Variants in ERC1 observed in about 807,000 individuals in gnomAD.
ERC1 encodes the protein ELKS/RAB6-interacting/CAST family member 1.
Under a neutral mutation model 132.0 loss-of-function variants are expected in ERC1, and 56 were observed. The ratio of observed to expected loss-of-function variants is 0.42; its 90% CI spans 0.34 to 0.53. The LOEUF is 0.53. ERC1 is among the 20% of genes least tolerant of loss of function. ERC1 has a pLI of 0.03. For missense variants in ERC1, 1,202 were observed against 1,349.9 expected (o/e 0.89, Z 1.72); for synonymous variants, 478 against 476.1 (o/e 1.00, Z -0.05).
At chr12:1,397,084 G>A (rs911873412) in intron 16 of ERC1, among the ~76,000 whole-genome samples, 1 of 152,128 alleles carries the variant, frequency 6.6e-6, no homozygotes, top group Non-Finnish European at 1.5e-5. Flanking sequence ...AATGTACATG[G>A]TCCTTACCCA....
At chr12:1,401,072 A>T (rs1297295902) in intron 16 of ERC1, among the ~76,000 whole-genome samples, 10 of 150,902 alleles carry the variant, frequency 6.6e-5, no homozygotes, top group Non-Finnish European at 1.0e-4. Flanking sequence ...AGTAGCTGGG[A>T]CTACAGACGC....
At chr12:1,413,735 C>T (rs991634367) in intron 17 of ERC1, among the ~76,000 whole-genome samples, 1 of 152,178 alleles carries the variant, frequency 6.6e-6, no homozygotes, top group Non-Finnish European at 1.5e-5. Flanking sequence ...TGTAACTATT[C>T]AGTAAATCAC....
intron 15 of ERC1, among the ~76,000 whole-genome samples, chr12:1,332,578 A>C (rs1415957196): frequency 6.6e-6 from 1 of 152,218 alleles, no homozygotes; most frequent in Non-Finnish European, 1.5e-5. Flanking sequence ...GCTGACTAGC[A>C]GCTTTGTATA....
chr12:1,383,644 A>G (rs866362584), intron 16 of ERC1, among the ~76,000 whole-genome samples: 12 of 152,200 alleles, frequency 7.9e-5, no homozygotes, highest in African/African-American at 2.4e-4. Context: ...ACACACACAA[A>G]AAAAGCGAAT....
chr12:1,484,276 G>A (rs1321242386), intron 18 of ERC1, among the ~76,000 whole-genome samples: 3 of 150,904 alleles, frequency 2.0e-5, no homozygotes, highest in Admixed American at 6.6e-5. Context: ...CTGCACTCCA[G>A]CCTGGTGACA....
intron 8 of ERC1, among the ~76,000 whole-genome samples, chr12:1,144,005 T>C (rs868768619): frequency 2.1e-4 from 32 of 152,262 alleles, no homozygotes; most frequent in African/African-American, 7.0e-4. Flanking sequence ...AAATATGTAG[T>C]GTTATCATTT....
In ERC1 at chr12:1,263,149, C is replaced by T. The variant is rs192102531; in HGVS notation, c.2603C>T (p.Thr868Ile). The T allele has an allele frequency of 2.7e-5, 43 of 1,613,942 alleles. No homozygotes were observed. In the African/African-American group the frequency reaches 4.4e-4, roughly 17 times the overall value. ...CTAGCACAAGAGGAATCAGCCAGGA[C>T]CAATGCTGAAAAACAGGTCTGCTAT... The part of the protein sequence containing the change: ...MVLAQEESAR[T>I]NAEKQVEELL... Residue 868 changes from threonine to isoleucine, a missense_variant, in exon 14 of 19, where the codon ACC becomes ATC. Transcript: ENST00000360905.
chr12:1,264,837 A>C (rs907836212), intron 14 of ERC1, among the ~76,000 whole-genome samples: 6 of 152,130 alleles, frequency 3.9e-5, no homozygotes, highest in African/African-American at 1.4e-4. Flanking sequence ...GGTCAGACCA[A>C]GGTGTTATTT....
intron 2 of ERC1, among the ~76,000 whole-genome samples, chr12:1,054,695 T>TA (rs1972621472): frequency 6.6e-6 from 1 of 152,160 alleles, no homozygotes. Flanking sequence ...TTTCTACACA[T>TA]TCTCTGCTTT....
chr12:1,356,076 T>A (rs548009034), intron 15 of ERC1, among the ~76,000 whole-genome samples: 18 of 152,048 alleles, frequency 1.2e-4, no homozygotes. Context: ...TGGTGGCACA[T>A]GCCTGTGGTC....
Position 1,262,942 on chromosome 12 carries a change from C to T in ERC1, c.2488-92C>T, listed in dbSNP as rs540355321. 22 of 1,300,658 alleles carry T rather than the reference C, an allele frequency of 1.7e-5. No homozygotes were observed. The South Asian group carries it at 3.0e-4, about 18-fold the overall frequency. The allele number at this position is 1,300,658 out of a possible 1,614,324, so 80.6% of individuals were successfully genotyped here. On this transcript the variant is annotated intron_variant, in intron 13 of 18. Coordinates refer to ENST00000360905, the MANE Select transcript of ERC1 (RefSeq NM_178040.4). Reference sequence around the variant, plus strand: ...CTGGATTTGCTTCTGATGGAAAGAACATTTAATAAGCAAACAGCCCTTTCT... The same window carrying T: ...CTGGATTTGCTTCTGATGGAAAGAATATTTAATAAGCAAACAGCCCTTTCT...
chr12:1,275,801 C>CAAGGAGCA (rs1460283154), intron 14 of ERC1, among the ~76,000 whole-genome samples: 2 of 152,138 alleles, frequency 1.3e-5, no homozygotes, highest in African/African-American at 4.8e-5. Context: ...ACAAACTGTA[C>CAAGGAGCA]AAGGAGCATG....
intron 15 of ERC1, among the ~76,000 whole-genome samples, chr12:1,357,275 C>T (rs1165198004): frequency 6.6e-6 from 1 of 152,152 alleles, no homozygotes; most frequent in African/African-American, 2.4e-5. Context: ...ATTCTTCTAG[C>T]AAACGTCATG....
chr12:1,001,739 A>G (rs1962332339), intron 1 of ERC1, among the ~76,000 whole-genome samples: 1 of 152,068 alleles, frequency 6.6e-6, no homozygotes, highest in South Asian at 2.1e-4. Context: ...TCATTGCTAA[A>G]TAGTATTCCA....
At chr12:1,129,129 G>A (rs1231380862) in intron 7 of ERC1, among the ~76,000 whole-genome samples, 1 of 151,720 alleles carries the variant, frequency 6.6e-6, no homozygotes, top group Non-Finnish European at 1.5e-5. Flanking sequence ...TCTTGAGCAG[G>A]AAAATATCTA....
At chr12:1,448,484 T>C (rs1325900842) in intron 18 of ERC1, among the ~76,000 whole-genome samples, 1 of 152,236 alleles carries the variant, frequency 6.6e-6, no homozygotes, top group Non-Finnish European at 1.5e-5. Flanking sequence ...TATGAAAGTA[T>C]TGTGATCAGA....
intron 2 of ERC1, among the ~76,000 whole-genome samples, chr12:1,082,051 C>T (rs960055052): frequency 1.4e-4 from 21 of 152,098 alleles, no homozygotes; most frequent in African/African-American, 3.1e-4. Flanking sequence ...TGTTTTGACA[C>T]GGAGCCTTGC....
chr12:1,359,599 C>A (rs544661292), intron 15 of ERC1, among the ~76,000 whole-genome samples: 23 of 152,272 alleles, frequency 1.5e-4, no homozygotes, highest in African/African-American at 5.3e-4. Flanking sequence ...CAGACCTACC[C>A]TTACAATAAT....
At chr12:1,035,719 G>A (rs1282599838) in intron 2 of ERC1, among the ~76,000 whole-genome samples, 2 of 152,100 alleles carry the variant, frequency 1.3e-5, no homozygotes, top group African/African-American at 4.8e-5. Context: ...TCAGGAGATC[G>A]AGACCATCCT....
Sources: allele counts gnomAD v4.1 joint callset (sites outside exome capture counted in the v4.1 genomes callset), GRCh38; gene constraint gnomAD v4.1.1; transcripts MANE v1.5; gene names NCBI Gene and HGNC (gene_info 2026-07-23, HGNC 2026-07-21).